CFAP47: variants seen among roughly 807,000 people sequenced by gnomAD.
CFAP47 encodes cilia- and flagella-associated protein 47.
A neutral mutation model predicts 148.1 loss-of-function variants in CFAP47; 29 were observed. That is an observed-to-expected ratio of 0.20 (90% confidence interval 0.15 to 0.27). CFAP47 has a LOEUF of 0.27. Among genes scored for constraint, CFAP47 ranks in the 10% least tolerant of loss-of-function variants. The pLI is 1.00. For synonymous variants in CFAP47, 664 were observed against 577.3 expected, an observed-to-expected ratio of 1.15 and a Z score of -2.15; for missense variants, 1,872 against 1,697.5, an observed-to-expected ratio of 1.10 and a Z score of -1.81.
At chrX:36,278,399 G>C (rs1941041451) in intron 49 of CFAP47, among the ~76,000 whole-genome samples, 1 of 113,089 alleles carries the variant, frequency 8.8e-6, no homozygotes, top group Non-Finnish European at 1.9e-5. Context: ...CGCCAAGCCA[G>C]TCGTGGGATA....
At chrX:36,250,468 T>A (rs782043418) in intron 48 of CFAP47, among the ~76,000 whole-genome samples, 6 of 110,501 alleles carry the variant, frequency 5.4e-5, no homozygotes, top group Non-Finnish European at 9.5e-5. Flanking sequence ...ATAGAAGAAA[T>A]AAGTTCAAGA....
At chrX:35,982,501 T>C (rs1462960356) in intron 15 of CFAP47, among the ~76,000 whole-genome samples, 1 of 111,635 alleles carries the variant, frequency 9.0e-6, no homozygotes, top group Non-Finnish European at 1.9e-5. Context: ...TTGTTGCAAT[T>C]GCTTTTGGTG....
intron 25 of CFAP47, among the ~76,000 whole-genome samples, chrX:36,040,999 T>C (rs1448439518): frequency 1.8e-5 from 2 of 111,941 alleles, no homozygotes; most frequent in African/African-American, 6.5e-5. Flanking sequence ...TACATGGAAA[T>C]ATATAACCTT....
intron 29 of CFAP47, among the ~76,000 whole-genome samples, chrX:36,078,937 G>A (rs1201811065): frequency 9.0e-6 from 1 of 110,871 alleles, no homozygotes; most frequent in Non-Finnish European, 1.9e-5. Context: ...CACTTATGAA[G>A]CTTAGTTTGG....
intron 57 of CFAP47, among the ~76,000 whole-genome samples, chrX:36,346,236 T>A (rs781927076): frequency 3.2e-4 from 35 of 110,871 alleles, no homozygotes; most frequent in African/African-American, 9.5e-4. Context: ...TGTTTTTTTT[T>A]AAATACATTC....
intron 39 of CFAP47, among the ~76,000 whole-genome samples, chrX:36,162,643 A>C (rs1224269478): frequency 8.9e-6 from 1 of 111,844 alleles, no homozygotes; most frequent in East Asian, 2.8e-4. Context: ...TGAACAAATA[A>C]GGCAATCCAG....
intron 27 of CFAP47, 108 bp from the exon 28 acceptor site, chrX:36,071,717 G>A: frequency 1.6e-6 from 1 of 630,332 alleles, no homozygotes; most frequent in Non-Finnish European, 2.4e-6. Context: ...TGGATACATA[G>A]ATAGATATAT....
chrX:36,040,776 G>T (rs971758899), intron 25 of CFAP47, among the ~76,000 whole-genome samples: 13 of 111,001 alleles, frequency 1.2e-4, no homozygotes, highest in Admixed American at 3.9e-4. Flanking sequence ...ATTCACTGAG[G>T]ATCAGGAGTG....
intron 45 of CFAP47, among the ~76,000 whole-genome samples, chrX:36,215,348 T>C (rs1471862716): frequency 5.4e-5 from 6 of 111,532 alleles, no homozygotes; most frequent in Non-Finnish European, 7.5e-5. Context: ...TCCATGGCCC[T>C]AGCATTTAAG....
chrX:36,243,438 G>A (rs782360631), intron 48 of CFAP47, among the ~76,000 whole-genome samples: 3 of 108,636 alleles, frequency 2.8e-5, no homozygotes, highest in Non-Finnish European at 5.7e-5. Flanking sequence ...CAAGAGACCC[G>A]TCTCACATGT....
At chrX:35,948,280 C>T (rs903084676) in intron 3 of CFAP47, 34 bp from the exon 4 acceptor site, 2 of 1,155,402 alleles carry the variant, frequency 1.7e-6, no homozygotes, top group African/African-American at 3.6e-5. Flanking sequence ...TTGTAAGGGT[C>T]CAGATGTAAA....
chrX:36,098,866 G>A lies in CFAP47; in HGVS notation c.4990G>A (p.Glu1664Lys), dbSNP rs1938325097. The A allele has an allele frequency of 1.8e-6, 2 of 1,113,277 alleles. No individual in the cohort carries two copies. Among genetic ancestry groups the A allele is most frequent in the Admixed American group, 2.3e-5 (1 of 44,174 alleles). 91.7% of individuals were successfully genotyped at this position (1,113,277 alleles called of 1,213,427 possible). A position where few individuals can be genotyped will look rare whatever the true frequency, so the allele number is the denominator to read the frequency against. Residue 1664 changes from glutamate (E) to lysine (K), a missense_variant, in exon 31 of 64, where the codon GAA becomes AAA. Coordinates refer to ENST00000378653, the MANE Select transcript of CFAP47 (RefSeq NM_001304548.2). ...LEPEDYKRWIEIMSSTNTMPV... is the reference protein window; with the variant it reads ...LEPEDYKRWIKIMSSTNTMPV... ...ACCAGAAGATTATAAGAGGTGGATTGAAATTATGGTAAGAAAATATAATTT... is the reference window on the plus strand; with the variant it reads ...ACCAGAAGATTATAAGAGGTGGATTAAAATTATGGTAAGAAAATATAATTT...
intron 8 of CFAP47, among the ~76,000 whole-genome samples, chrX:35,960,380 G>GAAAAAAAAAAAAA (rs1188987905): frequency 0.012 from 183 of 15,480 alleles, 59 homozygotes; most frequent in African/African-American, 0.045. Flanking sequence ...GCTAATTTCT[G>GAAAAAAAAAAAAA]AAAAAAAAAA....
At chrX:36,230,684 C>T (rs1452063850) in intron 46 of CFAP47, among the ~76,000 whole-genome samples, 1 of 109,906 alleles carries the variant, frequency 9.1e-6, no homozygotes, top group East Asian at 2.8e-4. Flanking sequence ...AAGTCCTTGC[C>T]CACGCCTATG....
chrX:36,071,689 T>C (rs1223870045), intron 27 of CFAP47, 136 bp from the exon 28 acceptor site: 2 of 430,478 alleles, frequency 4.6e-6, no homozygotes, highest in Admixed American at 1.1e-4. Flanking sequence ...ACTTTTTTTT[T>C]ACTTTGTCAT....
At chrX:36,053,869 C>T (rs751115115) in intron 26 of CFAP47, among the ~76,000 whole-genome samples, 1 of 111,899 alleles carries the variant, frequency 8.9e-6, no homozygotes, top group African/African-American at 3.2e-5. Context: ...TAATATTTAC[C>T]ACATCTTCCC....
intron 56 of CFAP47, among the ~76,000 whole-genome samples, chrX:36,311,549 A>T (rs1010631803): frequency 3.6e-5 from 4 of 111,239 alleles, no homozygotes; most frequent in African/African-American, 1.3e-4. Flanking sequence ...ACACATTTTC[A>T]ATCTAATATT....
intron 33 of CFAP47, among the ~76,000 whole-genome samples, chrX:36,123,207 A>G (rs1215217216): frequency 8.9e-6 from 1 of 112,273 alleles, no homozygotes; most frequent in Non-Finnish European, 1.9e-5. Flanking sequence ...AGTGACACAG[A>G]CACCTCTGTA....
chrX:36,345,140 CT>C (rs1234386230), intron 57 of CFAP47, among the ~76,000 whole-genome samples: 3 of 111,111 alleles, frequency 2.7e-5, no homozygotes, highest in Non-Finnish European at 3.8e-5. Context: ...TAATGTATAA[CT>C]TTTTTTTAGG....
Sources: gnomAD v4.1 joint callset for allele counts (sites outside exome capture counted in the v4.1 genomes callset) on GRCh38, gnomAD v4.1.1 for gene constraint, MANE v1.5 for transcripts, NCBI Gene and HGNC (gene_info 2026-07-23, HGNC 2026-07-21) for gene names.